MAN1A2: variants seen among roughly 807,000 people sequenced by gnomAD.
The protein encoded by MAN1A2 is mannosyl-oligosaccharide 1,2-alpha-mannosidase IB.
MAN1A2 carries 26 observed loss-of-function variants against 75.7 expected under a neutral mutation model. The observed-to-expected ratio is 0.34, with a 90% CI of 0.25 to 0.48. The LOEUF (loss-of-function observed/expected upper bound fraction) is 0.48, where lower values mean the gene tolerates loss of function less well. Among genes scored for constraint, MAN1A2 ranks in the 20% least tolerant of loss-of-function variants. The pLI, the probability that MAN1A2 is intolerant of heterozygous loss-of-function variation, is 0.99. For missense variants in MAN1A2, 562 were observed against 775.5 expected, an observed-to-expected ratio of 0.72 and a Z score of 3.27; for synonymous variants, 247 against 264.6, an observed-to-expected ratio of 0.93 and a Z score of 0.65.
chr1:117,500,266 C>T (rs895434507), intron 11 of MAN1A2, among the ~76,000 whole-genome samples: 1 of 151,944 alleles, frequency 6.6e-6, no homozygotes, highest in African/African-American at 2.4e-5. Flanking sequence ...CCGTAATACA[C>T]ACTCTCTTAG....
chr1:117,401,095 C>T (rs968445184), intron 1 of MAN1A2, among the ~76,000 whole-genome samples: 23 of 151,084 alleles, frequency 1.5e-4, no homozygotes, highest in African/African-American at 4.6e-4. Context: ...TAAGTACCTT[C>T]TACAAGTGGA....
intron 7 of MAN1A2, among the ~76,000 whole-genome samples, chr1:117,464,450 C>T (rs1322890712): frequency 2.0e-5 from 3 of 151,392 alleles, no homozygotes; most frequent in South Asian, 4.2e-4. Flanking sequence ...GAAAAGTAGG[C>T]ATATAAGCAG....
chr1:117,526,880 C>CTCTCTCTCTCTATA lies in MAN1A2; in HGVS notation c.*3924_*3925insCTCTCTCTCTATAT. 1.6e-3 allele frequency: 87 copies of CTCTCTCTCTCTATA among 54,510 alleles called. No homozygotes were observed. Among genetic ancestry groups the CTCTCTCTCTCTATA allele is most frequent in the African/African-American group, 3.3e-3 (40 of 12,282 alleles). The allele number at this position is 54,510 out of a possible 1,614,324, so 3.4% of individuals were successfully genotyped here. ...TCTCTCTCTCTCTCTCTCTCTCTCT[C>CTCTCTCTCTCTATA]TATATATATATATATATATATATAT... On this transcript the variant is annotated 3_prime_UTR_variant, in exon 13 of 13. Coordinates refer to ENST00000356554, the MANE Select transcript of MAN1A2 (RefSeq NM_006699.5).
intron 12 of MAN1A2, among the ~76,000 whole-genome samples, chr1:117,513,641 T>C (rs539575699): frequency 4.6e-5 from 7 of 151,898 alleles, no homozygotes; most frequent in Middle Eastern, 3.4e-3. Flanking sequence ...ATTAAATAAA[T>C]ATTATAAAAT....
rs117697210 is a variant in MAN1A2 at position 117,422,684 on chromosome 1, G to A, written c.855+2035G>A. On this transcript the variant is annotated intron_variant, in intron 5 of 12. Transcript: ENST00000356554. ...ATTCCCTGATGACAAGTGATGTTGA[G>A]CATCTTTTCCTATGTTTATTTGTCA... 1.9e-4 allele frequency among the ~76,000 whole-genome samples: 29 copies of A among 152,110 alleles called. No individual in the cohort carries two copies. The East Asian group carries it at 4.8e-3, about 25-fold the overall frequency.
intron 12 of MAN1A2, among the ~76,000 whole-genome samples, chr1:117,510,845 G>A (rs1651514234): frequency 6.6e-6 from 1 of 151,858 alleles, no homozygotes; most frequent in Non-Finnish European, 1.5e-5. Flanking sequence ...TTATAATTAT[G>A]CTGTTTTGAG....
chr1:117,368,557 T>G (rs76730922), intron 1 of MAN1A2, 72 bp downstream of exon 1: 8 of 1,094,160 alleles, frequency 7.3e-6, no homozygotes, highest in Non-Finnish European at 1.0e-5. Context: ...CGAATCTGTC[T>G]TTTTTTTTTC....
intron 1 of MAN1A2, among the ~76,000 whole-genome samples, chr1:117,383,957 A>G (rs1653438296): frequency 6.6e-6 from 1 of 152,140 alleles, no homozygotes; most frequent in East Asian, 1.9e-4. Flanking sequence ...TTATTTCTGT[A>G]AGGTCAGCTG....
chr1:117,436,630 T>C (rs1213684670), intron 5 of MAN1A2, among the ~76,000 whole-genome samples: 1 of 152,198 alleles, frequency 6.6e-6, no homozygotes, highest in African/African-American at 2.4e-5. Context: ...GATGAGGTAA[T>C]GTCCACCCTG....
intron 5 of MAN1A2, among the ~76,000 whole-genome samples, chr1:117,438,613 A>G (rs1300619408): frequency 6.6e-6 from 1 of 152,230 alleles, no homozygotes; most frequent in Non-Finnish European, 1.5e-5. Flanking sequence ...GTTCATGGTC[A>G]GTGCCCTGTA....
intron 1 of MAN1A2, among the ~76,000 whole-genome samples, chr1:117,374,802 G>A (rs72689579): frequency 0.086 from 13,093 of 152,156 alleles, 840 homozygotes; most frequent in Non-Finnish European, 0.13. Context: ...ATGAAGTAGG[G>A]AACTGAAGAG....
chr1:117,372,588 C>G (rs1467249948), intron 1 of MAN1A2, among the ~76,000 whole-genome samples: 1 of 152,076 alleles, frequency 6.6e-6, no homozygotes, highest in East Asian at 1.9e-4. Context: ...AAGGATATAT[C>G]AAATGTGTAG....
intron 6 of MAN1A2, among the ~76,000 whole-genome samples, chr1:117,450,448 G>T (rs1190587367): frequency 1.3e-5 from 2 of 152,198 alleles, no homozygotes; most frequent in African/African-American, 2.4e-5. Flanking sequence ...TGACAGAAAA[G>T]AAAAGCCCGT....
In MAN1A2 at chr1:117,368,114, C is replaced by G; in HGVS notation, c.-70C>G. 2 of 1,421,086 alleles carry G rather than the reference C, an allele frequency of 1.4e-6. No homozygotes were observed. The highest frequency in any genetic ancestry group is 1.9e-6 in the Non-Finnish European group (2 of 1,057,202). The allele number at this position is 1,421,086 out of a possible 1,614,324, so 88.0% of individuals were successfully genotyped here. A position where few individuals can be genotyped will look rare whatever the true frequency, so the allele number is the denominator to read the frequency against. Reference sequence around the variant, plus strand: ...CCCATTTTGGCCAAGATTTTGAAGACAGTTCAATGTATTCTACATTTGACA... The same window carrying G: ...CCCATTTTGGCCAAGATTTTGAAGAGAGTTCAATGTATTCTACATTTGACA... On this transcript the variant is annotated 5_prime_UTR_variant, in exon 1 of 13. Coordinates refer to ENST00000356554, the MANE Select transcript of MAN1A2 (RefSeq NM_006699.5).
At chr1:117,393,864 A>G (rs573078524) in intron 1 of MAN1A2, among the ~76,000 whole-genome samples, 1 of 152,312 alleles carries the variant, frequency 6.6e-6, no homozygotes, top group South Asian at 2.1e-4. Context: ...GCTGATATAA[A>G]TAGTGGTATT....
intron 6 of MAN1A2, among the ~76,000 whole-genome samples, chr1:117,445,617 G>A (rs1649196539): frequency 6.6e-6 from 1 of 151,758 alleles, no homozygotes; most frequent in South Asian, 2.1e-4. Flanking sequence ...GCCTTGACCT[G>A]CCGGGCTTAA....
chr1:117,436,954 T>C (rs2101805519), intron 5 of MAN1A2, among the ~76,000 whole-genome samples: 1 of 152,356 alleles, frequency 6.6e-6, no homozygotes, highest in East Asian at 1.9e-4. Flanking sequence ...ATTATGAGTT[T>C]TAAAATTATT....
At chr1:117,501,984 T>G (rs1651215614) in intron 11 of MAN1A2, among the ~76,000 whole-genome samples, 1 of 151,832 alleles carries the variant, frequency 6.6e-6, no homozygotes, top group African/African-American at 2.4e-5. Context: ...AAGCAGACTG[T>G]TTGGTTGCTT....
chr1:117,476,192 G>A (rs766905055), intron 8 of MAN1A2, among the ~76,000 whole-genome samples: 12 of 152,032 alleles, frequency 7.9e-5, no homozygotes, highest in East Asian at 1.9e-4. Context: ...CATATCCTTC[G>A]TCCACTTCTT....
Sources: allele counts gnomAD v4.1 joint callset (sites outside exome capture counted in the v4.1 genomes callset), GRCh38; gene constraint gnomAD v4.1.1; transcripts MANE v1.5; gene names NCBI Gene and HGNC (gene_info 2026-07-23, HGNC 2026-07-21).